The following CREB5 variants were observed in gnomAD, a reference collection of about 807,000 sequenced individuals.
CREB5 encodes the protein cAMP responsive element binding protein 5, also known as cyclic AMP-responsive element-binding protein 5.
Under a neutral mutation model 57.1 loss-of-function variants are expected in CREB5, and 19 were observed. The ratio of observed to expected loss-of-function variants is 0.33; its 90% confidence interval spans 0.23 to 0.49. The LOEUF (loss-of-function observed/expected upper bound fraction) is 0.49, where lower values mean the gene tolerates loss of function less well. CREB5 is among the 20% of genes least tolerant of loss of function. The probability of loss-of-function intolerance (pLI) is 0.99; values close to 1 mark genes in which losing one functional copy is unlikely to be tolerated. For synonymous variants in CREB5, 238 were observed against 238.3 expected (o/e 1.00, Z 0.01); for missense variants, 579 against 671.6 (o/e 0.86, Z 1.52).
At chr7:28,605,657 A>G (rs1175675178) in intron 5 of CREB5, among the ~76,000 whole-genome samples, 1 of 152,200 alleles carries the variant, frequency 6.6e-6, no homozygotes, top group African/African-American at 2.4e-5. Flanking sequence ...GCACTCGTCC[A>G]TCTCTGGTCT....
chr7:28,748,579 G>A (rs1357021244), intron 7 of CREB5, among the ~76,000 whole-genome samples: 2 of 152,184 alleles, frequency 1.3e-5, no homozygotes, highest in Non-Finnish European at 1.5e-5. Context: ...AATACCCAGG[G>A]CAGGCTTTGT....
At chr7:28,718,262 T>C (rs1374646481) in intron 5 of CREB5, among the ~76,000 whole-genome samples, 1 of 152,226 alleles carries the variant, frequency 6.6e-6, no homozygotes, top group African/African-American at 2.4e-5. Flanking sequence ...AAAACAGATT[T>C]CTGTTGGGAA....
intron 5 of CREB5, among the ~76,000 whole-genome samples, chr7:28,689,448 A>G (rs939360238): frequency 7.9e-5 from 12 of 152,154 alleles, no homozygotes; most frequent in African/African-American, 2.9e-4. Flanking sequence ...AGCCTGGGCG[A>G]CAAAGCGAGA....
At position 28,518,626 on chromosome 7, in the gene CREB5, C is replaced by A. The variant is rs912881991; in HGVS notation, c.291+10889C>A. On this transcript the variant is annotated intron_variant, in intron 4 of 10. Coordinates refer to ENST00000357727, the MANE Select transcript of CREB5 (RefSeq NM_182898.4). Reference sequence around the variant, plus strand: ...TAGAATGTGGTGGGCATGCGAGTCCCACCCTTGTAACCCCACTTGGTTGGT... The same window carrying A: ...TAGAATGTGGTGGGCATGCGAGTCCAACCCTTGTAACCCCACTTGGTTGGT... Among the ~76,000 whole-genome samples the A allele has an allele frequency of 2.6e-5, 4 of 152,194 alleles. No individual in the cohort carries two copies. In the East Asian group the frequency reaches 7.7e-4, roughly 29 times the overall value.
chr7:28,566,805 G>A (rs763595078), intron 4 of CREB5, among the ~76,000 whole-genome samples: 8 of 152,238 alleles, frequency 5.3e-5, no homozygotes, highest in Non-Finnish European at 5.9e-5. Context: ...GGGTAGAGAA[G>A]AGATTACAGG....
intron 4 of CREB5, among the ~76,000 whole-genome samples, chr7:28,515,824 T>G (rs559104913): frequency 6.6e-6 from 1 of 152,130 alleles, no homozygotes; most frequent in South Asian, 2.1e-4. Context: ...AGATACCTAG[T>G]AATAAGTATT....
intron 7 of CREB5, among the ~76,000 whole-genome samples, chr7:28,774,798 T>C (rs1409831633): frequency 6.6e-6 from 1 of 152,086 alleles, no homozygotes; most frequent in African/African-American, 2.4e-5. Flanking sequence ...ACAGTATGAG[T>C]TGTTTTTGTT....
intron 1 of CREB5, among the ~76,000 whole-genome samples, chr7:28,357,530 T>G (rs551448336): frequency 4.0e-5 from 6 of 149,122 alleles, no homozygotes; most frequent in Admixed American, 4.0e-4. Flanking sequence ...TAAAGAAAAA[T>G]TTTTTTCGTG....
At chr7:28,759,940 A>G (rs1354268032) in intron 7 of CREB5, among the ~76,000 whole-genome samples, 2 of 152,218 alleles carry the variant, frequency 1.3e-5, no homozygotes, top group Non-Finnish European at 2.9e-5. Flanking sequence ...GACTAATGAC[A>G]TGGGCAGTAA....
chr7:28,335,239 A>T (rs888379605), intron 1 of CREB5, among the ~76,000 whole-genome samples: 2 of 152,032 alleles, frequency 1.3e-5, no homozygotes, highest in African/African-American at 2.4e-5. Context: ...GAAGAATGTC[A>T]TTGGTATTTT....
At chr7:28,603,542 T>C in intron 5 of CREB5, among the ~76,000 whole-genome samples, 1 of 152,200 alleles carries the variant, frequency 6.6e-6, no homozygotes, top group East Asian at 1.9e-4. Flanking sequence ...TGAATACATT[T>C]AGCAGGCTGT....
At position 28,566,797 on chromosome 7, in the gene CREB5, G is replaced by A. The variant is rs1340196693; in HGVS notation, c.292-3568G>A. Reference sequence around the variant, plus strand: ...AGAATTTGCAGATTTTGTGTGTTGGGTAGAGAAGAGATTACAGGAGAGTTA... The same window carrying A: ...AGAATTTGCAGATTTTGTGTGTTGGATAGAGAAGAGATTACAGGAGAGTTA... On this transcript the variant is annotated intron_variant, in intron 4 of 10. Transcript: ENST00000357727. Among the ~76,000 whole-genome samples, 17 of 152,208 alleles carry A rather than the reference G, an allele frequency of 1.1e-4. 1 individual carries two copies. Among genetic ancestry groups the A allele is most frequent in the Admixed American group, 1.1e-3 (17 of 15,284 alleles).
intron 4 of CREB5, among the ~76,000 whole-genome samples, chr7:28,525,134 T>C (rs563895105): frequency 2.0e-5 from 3 of 152,206 alleles, no homozygotes; most frequent in Non-Finnish European, 4.4e-5. Flanking sequence ...TTCAGTTCCA[T>C]CCATGTTGCT....
chr7:28,532,635 A>G (rs1430854044), intron 4 of CREB5, among the ~76,000 whole-genome samples: 6 of 152,222 alleles, frequency 3.9e-5, no homozygotes, highest in African/African-American at 1.4e-4. Flanking sequence ...GAAATGGAGA[A>G]AAAGGAACTA....
chr7:28,561,036 G>A (rs1795251604), intron 4 of CREB5, among the ~76,000 whole-genome samples: 1 of 148,614 alleles, frequency 6.7e-6, no homozygotes, highest in Non-Finnish European at 1.5e-5. Flanking sequence ...GTGTGTGTGT[G>A]TGTGTGTGAA....
intron 1 of CREB5, among the ~76,000 whole-genome samples, chr7:28,335,922 G>C (rs1056375996): frequency 6.6e-6 from 1 of 151,888 alleles, no homozygotes. Flanking sequence ...GTTTAATTTT[G>C]TCAAGTGCTT....
chr7:28,484,912 G>A (rs565795429), intron 1 of CREB5, among the ~76,000 whole-genome samples: 1 of 152,128 alleles, frequency 6.6e-6, no homozygotes, highest in Non-Finnish European at 1.5e-5. Context: ...CTATGTGGCC[G>A]AGCCTTTCGT....
chr7:28,658,941 A>ATGTG (rs71555758), intron 5 of CREB5, among the ~76,000 whole-genome samples: 63 of 117,446 alleles, frequency 5.4e-4, no homozygotes, highest in African/African-American at 2.1e-3. Context: ...TAAATATTAT[A>ATGTG]TGTGTGTGTG....
chr7:28,522,585 A>G (rs1187297857), intron 4 of CREB5, among the ~76,000 whole-genome samples: 1 of 151,718 alleles, frequency 6.6e-6, no homozygotes, highest in Non-Finnish European at 1.5e-5. Context: ...TTTAGTAGAG[A>G]TGGGGTGTCA....
Sources: gnomAD v4.1 joint callset for allele counts (sites outside exome capture counted in the v4.1 genomes callset) on GRCh38, gnomAD v4.1.1 for gene constraint, MANE v1.5 for transcripts, NCBI Gene and HGNC (gene_info 2026-07-23, HGNC 2026-07-21) for gene names.